Variants in HMCN1 observed in about 807,000 individuals in gnomAD.
HMCN1 encodes the protein hemicentin 1, also known as hemicentin-1.
In HMCN1, 321 loss-of-function variants were observed where a neutral mutation model predicts 625.9. The ratio of observed to expected loss-of-function variants is 0.51; its 90% confidence interval spans 0.47 to 0.56. The LOEUF (loss-of-function observed/expected upper bound fraction) is 0.56, where lower values mean the gene tolerates loss of function less well. Among genes scored for constraint, HMCN1 ranks in the 20% least tolerant of loss-of-function variants. HMCN1 has a pLI of 0.00. For missense variants in HMCN1, 6,588 were observed against 6,887.3 expected, an observed-to-expected ratio of 0.96 and a Z score of 1.54; for synonymous variants, 2,425 against 2,417.6, an observed-to-expected ratio of 1.00 and a Z score of -0.09.
Position 186,171,447 on chromosome 1 carries a change from A to G in HMCN1, c.15685A>G (p.Met5229Val), listed in dbSNP as rs748823261. Residue 5229 changes from methionine to valine, a missense_variant, in exon 101 of 107, where the codon ATG becomes GTG. By Grantham distance (21) the Met-to-Val change is conservative. This residue lies in a region of HMCN1 where 1,954 missense variants were observed against 2,013.1 expected (regional missense o/e 0.97). Coordinates refer to ENST00000271588, the MANE Select transcript of HMCN1 (RefSeq NM_031935.3). Reference protein sequence around the residue: ...PGYQLKGRKCMDVNECRQNVC... With the variant: ...PGYQLKGRKCVDVNECRQNVC... ...GTATCAGCTCAAAGGCAGAAAATGC[A>G]TGGGTAAGAAAAGGGCTTTGAATTT... 5.6e-6 allele frequency: 9 copies of G among 1,607,350 alleles called. No individual in the cohort carries two copies. The East Asian group carries it at 2.0e-4, about 36-fold the overall frequency.
intron 3 of HMCN1, 84 bp from the exon 4 acceptor site, chr1:185,865,652 AGTAAT>A (rs1175148521): frequency 8.2e-5 from 88 of 1,067,612 alleles, no homozygotes; most frequent in Non-Finnish European, 1.2e-4. Context: ...CTACTTGCCC[AGTAAT>A]GTAACACAAT....
rs1450174077 is a variant in HMCN1, at chr1:186,003,454, T to C, written c.4349-264T>C. Among the ~76,000 whole-genome samples the C allele has an allele frequency of 5.9e-5, 9 of 152,176 alleles. No homozygotes were observed. The East Asian group carries it at 1.7e-3, about 29-fold the overall frequency. ...TCTAAACTACTTTTGCATATGAGTTTAATACACCCAAAAATGAACCCTATA... is the reference window on the plus strand; with the variant it reads ...TCTAAACTACTTTTGCATATGAGTTCAATACACCCAAAAATGAACCCTATA... On this transcript the variant is annotated intron_variant, in intron 28 of 106. Coordinates refer to ENST00000271588, the MANE Select transcript of HMCN1 (RefSeq NM_031935.3).
At chr1:185,966,234 C>A (rs751625147) in intron 14 of HMCN1, among the ~76,000 whole-genome samples, 12 of 152,064 alleles carry the variant, frequency 7.9e-5, no homozygotes. Context: ...AAAATAGCTC[C>A]GCTGATTTTA....
rs755652862 is a variant in HMCN1, at chr1:186,007,210, A to C, written c.4558A>C (p.Lys1520Gln). The stretch of plus-strand genomic sequence containing the variant: ...TTTAAAGAATGCACGGAGAAATGAC[A>C]AGGGGCGCTACCAATGTACTGTGTC... Reference protein sequence around the residue: ...LHLKNARRNDKGRYQCTVSNA... With the variant: ...LHLKNARRNDQGRYQCTVSNA... Residue 1520 changes from lysine (K) to glutamine (Q), a missense_variant, in exon 30 of 107, where the codon AAG becomes CAG. Transcript: ENST00000271588. 29 of 1,613,396 alleles carry C rather than the reference A, an allele frequency of 1.8e-5. No homozygotes were observed. The highest frequency in any genetic ancestry group is 2.3e-5 in the Non-Finnish European group (27 of 1,179,538).
intron 4 of HMCN1, among the ~76,000 whole-genome samples, chr1:185,887,066 C>CT (rs1558040377): frequency 6.6e-6 from 1 of 152,064 alleles, no homozygotes; most frequent in Non-Finnish European, 1.5e-5. Flanking sequence ...CACTTTTTAG[C>CT]TTTTAACTTC....
At chr1:186,167,416 A>G (rs1278592211) in intron 100 of HMCN1, among the ~76,000 whole-genome samples, 1 of 152,148 alleles carries the variant, frequency 6.6e-6, no homozygotes, top group Non-Finnish European at 1.5e-5. Flanking sequence ...CTCCACACAC[A>G]CAGCCTTCCT....
intron 56 of HMCN1, among the ~76,000 whole-genome samples, chr1:186,082,284 C>T (rs1659211303): frequency 6.6e-6 from 1 of 152,182 alleles, no homozygotes; most frequent in African/African-American, 2.4e-5. Context: ...TTATTTAGCT[C>T]ACAAGCCTGC....
At chr1:186,011,363 G>A (rs965422252) in intron 30 of HMCN1, among the ~76,000 whole-genome samples, 2 of 152,102 alleles carry the variant, frequency 1.3e-5, no homozygotes, top group Non-Finnish European at 2.9e-5. Flanking sequence ...TTTTTAATGC[G>A]ATTTTACCTA....
At chr1:186,063,712 T>C (rs1657923882) in intron 48 of HMCN1, among the ~76,000 whole-genome samples, 1 of 152,138 alleles carries the variant, frequency 6.6e-6, no homozygotes, top group Non-Finnish European at 1.5e-5. Context: ...AATGACGTTA[T>C]TTTGTAGTGG....
In HMCN1 at chr1:185,995,006, C is replaced by G; in HGVS notation, c.3697C>G (p.Pro1233Ala). 1 of 1,613,758 alleles carries G rather than the reference C, an allele frequency of 6.2e-7. No individual in the cohort carries two copies. The highest frequency in any genetic ancestry group is 8.5e-7 in the Non-Finnish European group (1 of 1,179,786). ...AACTTTAAGCATCGACCAAGCCACG[C>G]CCTCAGATGCTGGCATATATACATG... is the stretch of plus-strand genomic sequence containing the variant. ...DGTLSIDQAT[P>A]SDAGIYTCVA... The change falls in exon 24 of 107, where the codon CCC (proline) becomes GCC (alanine). Residue 1233 changes from proline (P) to alanine (A), a missense_variant. By Grantham distance (27) the Pro-to-Ala change is conservative (BLOSUM62 -1). Coordinates refer to ENST00000271588, the MANE Select transcript of HMCN1 (RefSeq NM_031935.3).
chr1:186,045,017 A>G (rs952877925), intron 40 of HMCN1, among the ~76,000 whole-genome samples: 1 of 152,134 alleles, frequency 6.6e-6, no homozygotes, highest in Admixed American at 6.5e-5. Context: ...TAAAATTTCT[A>G]CTCATTCCTC....
intron 1 of HMCN1, among the ~76,000 whole-genome samples, chr1:185,791,282 A>G (rs1433182218): frequency 6.6e-6 from 1 of 152,072 alleles, no homozygotes; most frequent in African/African-American, 2.4e-5. Context: ...ATTTGCTGTT[A>G]TGTGAATAAA....
chr1:186,128,098 T>A lies in HMCN1; in HGVS notation c.12711T>A (p.Tyr4237Ter). Reference protein sequence around the residue: ...ENVVLEDSGFYTCVANNAAGE... With the variant: ...ENVVLEDSGF Reference sequence around the variant, plus strand: ...TTTAGCTGGAGGATTCTGGCTTCTATACCTGTGTTGCTAACAATGCTGCAG... The same window carrying A: ...TTTAGCTGGAGGATTCTGGCTTCTAAACCTGTGTTGCTAACAATGCTGCAG... Residue 4237 changes from tyrosine (Y) to a stop codon, truncating the protein, a stop_gained, in exon 83 of 107, where the codon TAT becomes TAA. Coordinates refer to ENST00000271588, the MANE Select transcript of HMCN1 (RefSeq NM_031935.3). LOFTEE classifies it high-confidence loss of function. 6.2e-7 allele frequency: 1 copy of A among 1,613,534 alleles called. No homozygotes were observed. Among genetic ancestry groups the A allele is most frequent in the Non-Finnish European group, 8.5e-7 (1 of 1,179,626 alleles).
intron 68 of HMCN1, 43 bp downstream of exon 68, chr1:186,095,564 G>A (rs1224308906): frequency 6.3e-7 from 1 of 1,582,398 alleles, no homozygotes; most frequent in Non-Finnish European, 8.7e-7. Context: ...TGGAAAGTAA[G>A]TGATAGTGAA....
chr1:186,009,049 T>G (rs1353723242), intron 30 of HMCN1, among the ~76,000 whole-genome samples: 1 of 152,202 alleles, frequency 6.6e-6, no homozygotes, highest in Non-Finnish European at 1.5e-5. Context: ...TGCTGAAAGA[T>G]TAACTATACA....
At chr1:186,068,494 T>C (rs1658269282) in intron 50 of HMCN1, among the ~76,000 whole-genome samples, 1 of 152,098 alleles carries the variant, frequency 6.6e-6, no homozygotes, top group African/African-American at 2.4e-5. Flanking sequence ...AAAGAGTTGA[T>C]TAAGAATATG....
At chr1:185,915,956 C>T (rs1394193960) in intron 6 of HMCN1, among the ~76,000 whole-genome samples, 1 of 151,884 alleles carries the variant, frequency 6.6e-6, no homozygotes, top group Non-Finnish European at 1.5e-5. Context: ...TTTGGCCTTC[C>T]AATATCGGAC....
At chr1:185,834,140 C>T (rs75133653) in intron 1 of HMCN1, among the ~76,000 whole-genome samples, 4,842 of 152,182 alleles carry the variant, frequency 0.032, 230 homozygotes, top group African/African-American at 0.11. Context: ...TTGCTATCAT[C>T]GGAGTAGTTT....
intron 9 of HMCN1, among the ~76,000 whole-genome samples, chr1:185,926,696 A>T (rs986615027): frequency 5.3e-5 from 8 of 152,182 alleles, no homozygotes; most frequent in Non-Finnish European, 1.2e-4. Flanking sequence ...GGCATGAGTG[A>T]TGATAGACTG....
Sources: gnomAD v4.1 joint callset for allele counts (sites outside exome capture counted in the v4.1 genomes callset) on GRCh38, gnomAD v4.1.1 for gene constraint, gnomAD v4.1.1 regional missense constraint, MANE v1.5 for transcripts, NCBI Gene and HGNC (gene_info 2026-07-23, HGNC 2026-07-21) for gene names.